SLC15A4: variants seen among roughly 807,000 people sequenced by gnomAD.
SLC15A4 encodes the protein solute carrier family 15 member 4.
SLC15A4 carries 26 observed loss-of-function variants against 46.1 expected under a neutral mutation model. That is an observed-to-expected ratio of 0.56 (90% CI 0.41 to 0.78). SLC15A4 has a LOEUF of 0.78. SLC15A4 is among the 30% of genes least tolerant of loss of function. The pLI is 0.00. For missense variants in SLC15A4, 751 were observed against 755.7 expected, an observed-to-expected ratio of 0.99 and a Z score of 0.07; for synonymous variants, 370 against 333.4, an observed-to-expected ratio of 1.11 and a Z score of -1.20.
intron 1 of SLC15A4, among the ~76,000 whole-genome samples, chr12:128,817,154 C>CT (rs1955765759): frequency 6.6e-6 from 1 of 152,164 alleles, no homozygotes; most frequent in African/African-American, 2.4e-5. Flanking sequence ...TTTCTCTTAT[C>CT]TATTACAATA....
chr12:128,798,143 C>T (rs922401557), intron 7 of SLC15A4, among the ~76,000 whole-genome samples: 3 of 152,216 alleles, frequency 2.0e-5, no homozygotes, highest in Non-Finnish European at 2.9e-5. Flanking sequence ...CTTTATGACA[C>T]ATTTAAAGAT....
intron 5 of SLC15A4, chr12:128,801,288 T>C (rs1955516328): frequency 3.7e-6 from 1 of 269,030 alleles, no homozygotes; most frequent in South Asian, 6.7e-5. Flanking sequence ...AATCCTCAAA[T>C]ATCTGGATTG....
intron 7 of SLC15A4, among the ~76,000 whole-genome samples, chr12:128,796,088 A>G (rs527551457): frequency 6.6e-6 from 1 of 152,318 alleles, no homozygotes; most frequent in East Asian, 1.9e-4. Context: ...ATCTGAACAT[A>G]TACTGCATGT....
chr12:128,815,071 C>A lies in SLC15A4; in HGVS notation c.547-1G>T. 3 of 1,604,530 alleles carry A rather than the reference C, an allele frequency of 1.9e-6. No individual in the cohort carries two copies. Among genetic ancestry groups the A allele is most frequent in the Non-Finnish European group, 1.7e-6 (2 of 1,172,272 alleles). ...TGGCTTCCGGACCTCGATCTTTAACCTAAAATAACAGGGAGGAAAGACACT... is the reference window on the plus strand; with the variant it reads ...TGGCTTCCGGACCTCGATCTTTAACATAAAATAACAGGGAGGAAAGACACT... On this transcript the variant is annotated splice_acceptor_variant, in intron 1 of 7. Coordinates refer to ENST00000266771, the MANE Select transcript of SLC15A4 (RefSeq NM_145648.4). LOFTEE classifies it high-confidence loss of function.
In SLC15A4 at chr12:128,814,946, G is replaced by A; in HGVS notation, c.671C>T (p.Thr224Ile). Reference protein sequence around the residue: ...AYIQQNVSFVTGYAIPTVCVG... With the variant: ...AYIQQNVSFVIGYAIPTVCVG... Reference sequence around the variant, plus strand: ...GCAGACAGTGGGGATCGCATAACCAGTGACAAAGCTGACGTTCTGCTGAAT... The same window carrying A: ...GCAGACAGTGGGGATCGCATAACCAATGACAAAGCTGACGTTCTGCTGAAT... The change falls in exon 2 of 8, where the codon ACT (threonine) becomes ATT (isoleucine). Residue 224 changes from threonine (T) to isoleucine (I), a missense_variant. Thr to Ile is a moderately conservative substitution (Grantham distance 89). Coordinates refer to ENST00000266771, the MANE Select transcript of SLC15A4 (RefSeq NM_145648.4). The A allele has an allele frequency of 6.2e-7, 1 of 1,614,178 alleles. No homozygotes were observed. Among genetic ancestry groups the A allele is most frequent in the South Asian group, 1.1e-5 (1 of 91,086 alleles).
intron 2 of SLC15A4, 144 bp downstream of exon 2, chr12:128,814,631 T>C: frequency 1.2e-6 from 1 of 804,968 alleles, no homozygotes; most frequent in Non-Finnish European, 2.0e-6. Flanking sequence ...CTTGGGGAAA[T>C]GCAGTGTTAA....
At chr12:128,822,538 A>C (rs1955860257) in intron 1 of SLC15A4, among the ~76,000 whole-genome samples, 2 of 152,148 alleles carry the variant, frequency 1.3e-5, no homozygotes, top group South Asian at 4.1e-4. Flanking sequence ...CCGTTCATTT[A>C]TTTTTTATTT....
In SLC15A4 at chr12:128,823,636, G is replaced by T; in HGVS notation, c.308C>A (p.Ala103Glu). ...GWLADARLGR[A>E]RAILLSLALY... ...CGCCAGGCTCAGCAGGATGGCGCGCGCCCGGCCCAGCCGCGCGTCGGCCAG... is the reference window on the plus strand; with the variant it reads ...CGCCAGGCTCAGCAGGATGGCGCGCTCCCGGCCCAGCCGCGCGTCGGCCAG... Residue 103 changes from alanine to glutamate, a missense_variant, in exon 1 of 8, where the codon GCG becomes GAG. Ala to Glu is a moderately radical substitution (Grantham distance 107). Coordinates refer to ENST00000266771, the MANE Select transcript of SLC15A4 (RefSeq NM_145648.4). 3 of 1,482,192 alleles carry T rather than the reference G, an allele frequency of 2.0e-6. No individual in the cohort carries two copies. Among genetic ancestry groups the T allele is most frequent in the Non-Finnish European group, 2.7e-6 (3 of 1,121,016 alleles). The allele number at this position is 1,482,192 out of a possible 1,614,324, so 91.8% of individuals were successfully genotyped here.
intron 7 of SLC15A4, among the ~76,000 whole-genome samples, chr12:128,796,586 C>A (rs1483024851): frequency 6.6e-6 from 1 of 152,108 alleles, no homozygotes; most frequent in East Asian, 1.9e-4. Context: ...TTCTACCAGA[C>A]TAAAGCTTTA....
At chr12:128,799,767 A>G (rs2135705901) in intron 6 of SLC15A4, among the ~76,000 whole-genome samples, 1 of 152,340 alleles carries the variant, frequency 6.6e-6, no homozygotes, top group East Asian at 1.9e-4. Flanking sequence ...TTGTCAAGGA[A>G]TGGGAGTTTG....
chr12:128,806,011 T>C (rs1955582698), intron 5 of SLC15A4, among the ~76,000 whole-genome samples: 1 of 151,194 alleles, frequency 6.6e-6, no homozygotes, highest in Admixed American at 6.6e-5. Flanking sequence ...CTACTAAAAA[T>C]ACAAAAAATT....
At chr12:128,808,647 G>T in intron 5 of SLC15A4, 141 bp downstream of exon 5, 1 of 767,562 alleles carries the variant, frequency 1.3e-6, no homozygotes, top group South Asian at 1.8e-5. Context: ...GATTAGTGCT[G>T]TAAAATAACT....
chr12:128,796,458 A>AAACC (rs1176888407), intron 7 of SLC15A4, among the ~76,000 whole-genome samples: 1 of 34,614 alleles, frequency 2.9e-5, no homozygotes, highest in African/African-American at 6.8e-5. Context: ...AAAAAAAAAA[A>AAACC]CCCACACATC....
At position 128,816,318 on chromosome 12, in the gene SLC15A4, G is replaced by A. The variant is rs138898183; in HGVS notation, c.547-1248C>T. On this transcript the variant is annotated intron_variant, in intron 1 of 7. Coordinates refer to ENST00000266771, the MANE Select transcript of SLC15A4 (RefSeq NM_145648.4). ...CCTGTACTAGACAGAGACATTTCTAGTGAGTTTCATTTCATAAATTTATTT... is the reference window on the plus strand; with the variant it reads ...CCTGTACTAGACAGAGACATTTCTAATGAGTTTCATTTCATAAATTTATTT... 1.2e-3 allele frequency among the ~76,000 whole-genome samples: 188 copies of A among 152,312 alleles called. No homozygotes were observed. In the Middle Eastern group the frequency reaches 0.014, roughly 11 times the overall value.
rs1016709409 is a variant in SLC15A4 at position 128,797,697 on chromosome 12, G to A, written c.1573+1562C>T. 5.9e-5 allele frequency among the ~76,000 whole-genome samples: 9 copies of A among 152,186 alleles called. 1 individual carries two copies. The highest frequency in any genetic ancestry group is 1.7e-4 in the African/African-American group (7 of 41,442). ...GGATAAGGGTGGCACAGACACCCCC[G>A]GAACCTGGCCTGAGAGCTGCTGCTC... On this transcript the variant is annotated intron_variant, in intron 7 of 7. Coordinates refer to ENST00000266771, the MANE Select transcript of SLC15A4 (RefSeq NM_145648.4).
chr12:128,807,040 C>T (rs1187313893), intron 5 of SLC15A4, among the ~76,000 whole-genome samples: 1 of 151,584 alleles, frequency 6.6e-6, no homozygotes, highest in Admixed American at 6.6e-5. Flanking sequence ...GTAGCTGGGA[C>T]TACAGGCGCC....
chr12:128,794,980 TTTATAG>T (rs1955428373), intron 7 of SLC15A4, among the ~76,000 whole-genome samples: 1 of 152,190 alleles, frequency 6.6e-6, no homozygotes, highest in Non-Finnish European at 1.5e-5. Context: ...ACTTCCTCCA[TTTATAG>T]TTATGATTGG....
At position 128,823,725 on chromosome 12, in the gene SLC15A4, C is replaced by T. The variant is rs1452483512; in HGVS notation, c.219G>A (p.Gln73=). The part of the protein sequence containing the change: ...NGAPFCWEGA[Q]ASEALLLFMG... ...TGAAGAGCAGCAGCGCCTCGCTGGC[C>T]TGCGCGCCCTCCCAGCAGAACGGCG... The change falls in exon 1 of 8, where the codon CAG becomes CAA. Residue 73 remains glutamine (Q), a synonymous_variant. Transcript: ENST00000266771. 1 of 1,539,674 alleles carries T rather than the reference C, an allele frequency of 6.5e-7. No individual in the cohort carries two copies. Among genetic ancestry groups the T allele is most frequent in the Admixed American group, 1.9e-5 (1 of 52,454 alleles).
Position 128,793,992 on chromosome 12 carries a change from G to A in SLC15A4, c.*204C>T, listed in dbSNP as rs772799484. 36 of 422,546 alleles carry A rather than the reference G, an allele frequency of 8.5e-5. No individual in the cohort carries two copies. The highest frequency in any genetic ancestry group is 8.0e-5 in the Non-Finnish European group (19 of 238,704). The allele number at this position is 422,546 out of a possible 1,614,324, so 26.2% of individuals were successfully genotyped here. A position where few individuals can be genotyped will look rare whatever the true frequency, so the allele number is the denominator to read the frequency against. ...GAAATCTGCAGCTCTCCTCCCGGAG[G>A]GCCCAGCGTGCCAGGAGACACGCTG... On this transcript the variant is annotated 3_prime_UTR_variant, in exon 8 of 8. Coordinates refer to ENST00000266771, the MANE Select transcript of SLC15A4 (RefSeq NM_145648.4).
Sources: gnomAD v4.1 joint callset for allele counts (sites outside exome capture counted in the v4.1 genomes callset) on GRCh38, gnomAD v4.1.1 for gene constraint, MANE v1.5 for transcripts, NCBI Gene and HGNC (gene_info 2026-07-23, HGNC 2026-07-21) for gene names.